Variants in AFDN observed in about 807,000 individuals in gnomAD.
The protein encoded by AFDN is afadin.
AFDN carries 68 observed loss-of-function variants against 216.6 expected under a neutral mutation model. That is an observed-to-expected ratio of 0.31 (90% CI 0.26 to 0.38). AFDN has a LOEUF of 0.38. AFDN is among the 10% of genes least tolerant of loss of function. AFDN has a pLI of 1.00. For missense variants in AFDN, 2,136 were observed against 2,342.0 expected (o/e 0.91, Z 1.82); for synonymous variants, 868 against 853.7 (o/e 1.02, Z -0.29).
intron 1 of AFDN, among the ~76,000 whole-genome samples, chr6:167,843,957 C>T (rs1035669612): frequency 3.9e-5 from 6 of 152,068 alleles, no homozygotes; most frequent in African/African-American, 1.4e-4. Context: ...ACCTGTTTTA[C>T]TCAAAGGGAA....
chr6:167,833,699 G>T (rs1780077329), intron 1 of AFDN, among the ~76,000 whole-genome samples: 1 of 151,982 alleles, frequency 6.6e-6, no homozygotes, highest in Admixed American at 6.6e-5. Flanking sequence ...GAGCTTTGAG[G>T]TTGCCAGTTT....
chr6:167,899,422 C>G (rs1788669633), intron 11 of AFDN, among the ~76,000 whole-genome samples: 1 of 152,184 alleles, frequency 6.6e-6, no homozygotes, highest in Non-Finnish European at 1.5e-5. Flanking sequence ...CTAACACTTT[C>G]ATCTTTAAAC....
chr6:167,963,024 C>G, intron 31 of AFDN: 1 of 1,079,822 alleles, frequency 9.3e-7, no homozygotes, highest in Non-Finnish European at 1.1e-6. Flanking sequence ...TCACTCACTT[C>G]TGGTTGATGG....
intron 6 of AFDN, among the ~76,000 whole-genome samples, chr6:167,887,314 T>C (rs1786969838): frequency 6.6e-6 from 1 of 152,184 alleles, no homozygotes; most frequent in Non-Finnish European, 1.5e-5. Context: ...TAATTTCCAT[T>C]GAGTGTTTCT....
chr6:167,965,057 C>G, intron 31 of AFDN: 1 of 1,038,120 alleles, frequency 9.6e-7, no homozygotes, highest in Non-Finnish European at 1.2e-6. Flanking sequence ...CTCTAATTTT[C>G]TGTCTGTTAG....
chr6:167,946,087 A>G (rs1795222907), intron 26 of AFDN, among the ~76,000 whole-genome samples: 3 of 152,220 alleles, frequency 2.0e-5, no homozygotes, highest in African/African-American at 7.2e-5. Flanking sequence ...CAGCTCAACA[A>G]AACCTCGTGT....
intron 1 of AFDN, among the ~76,000 whole-genome samples, chr6:167,844,499 A>G (rs147684482): frequency 9.2e-5 from 14 of 152,336 alleles, no homozygotes; most frequent in African/African-American, 3.1e-4. Flanking sequence ...TTTCTTAACT[A>G]TTAATGAACA....
intron 11 of AFDN, among the ~76,000 whole-genome samples, chr6:167,900,283 T>A (rs1370554713): frequency 3.3e-5 from 5 of 152,204 alleles, no homozygotes; most frequent in Non-Finnish European, 7.4e-5. Context: ...AATGCAGATT[T>A]CATAGTGTGT....
rs574938163 is a variant in AFDN at position 167,967,520 on chromosome 6, G to A, written c.5257+1475G>A. 3.3e-5 allele frequency among the ~76,000 whole-genome samples: 5 copies of A among 152,206 alleles called. No individual in the cohort carries two copies. In the South Asian group the frequency reaches 8.3e-4, roughly 25 times the overall value. On this transcript the variant is annotated intron_variant, in intron 32 of 33. Transcript: ENST00000683244. ...CGGAATAATAGTAAATTTTGAAGCA[G>A]GATGCCATCAGTCTCCTTGTATTGA...
At chr6:167,867,469 G>A (rs1407746053) in intron 2 of AFDN, among the ~76,000 whole-genome samples, 11 of 139,088 alleles carry the variant, frequency 7.9e-5, no homozygotes, top group Middle Eastern at 4.1e-3. Context: ...TCATTCTGTC[G>A]CCCAGGCTGG....
At chr6:167,906,140 T>C (rs940901086) in intron 12 of AFDN, among the ~76,000 whole-genome samples, 4 of 152,126 alleles carry the variant, frequency 2.6e-5, no homozygotes, top group African/African-American at 9.7e-5. Context: ...GAAGGATTCA[T>C]TGGGTGTGTA....
At chr6:167,950,040 C>T (rs758742543) in intron 29 of AFDN, among the ~76,000 whole-genome samples, 35 of 152,106 alleles carry the variant, frequency 2.3e-4, no homozygotes, top group African/African-American at 4.8e-4. Context: ...CAGGGAGCGG[C>T]GGTAGGCACA....
At chr6:167,933,676 A>G (rs905809464) in intron 23 of AFDN, among the ~76,000 whole-genome samples, 3 of 152,240 alleles carry the variant, frequency 2.0e-5, no homozygotes, top group African/African-American at 7.2e-5. Context: ...TGTGTATCAA[A>G]AGCAAAATAG....
At position 167,962,319 on chromosome 6, in the gene AFDN, A is replaced by T; in HGVS notation, c.4834-114A>T. On this transcript the variant is annotated intron_variant, in intron 30 of 33. Coordinates refer to ENST00000683244, the MANE Select transcript of AFDN (RefSeq NM_001386888.1). The surrounding 1 kb of genome is among the most constrained non-coding windows in gnomAD (Gnocchi z 5.2). ...ATTTTAACCTGGTATTTTATATTTA[A>T]CTTTCTGTGTGTGTGTGTTTGTGTA... 1 of 1,359,792 alleles carries T rather than the reference A, an allele frequency of 7.4e-7. No homozygotes were observed. Among genetic ancestry groups the T allele is most frequent in the African/African-American group, 1.4e-5 (1 of 69,190 alleles). The allele number at this position is 1,359,792 out of a possible 1,614,324, so 84.2% of individuals were successfully genotyped here.
Position 167,965,007 on chromosome 6 carries a change from T to C in AFDN, c.4969-750T>C, listed in dbSNP as rs148942951. On this transcript the variant is annotated intron_variant, in intron 31 of 33. Transcript: ENST00000683244. ...AAAATGTACAGTATGTGTCAAAATATATTTGAATATCTTGTTGCTGTTGCT... is the reference window on the plus strand; with the variant it reads ...AAAATGTACAGTATGTGTCAAAATACATTTGAATATCTTGTTGCTGTTGCT... The C allele has an allele frequency of 3.5e-4, 370 of 1,048,474 alleles. 1 individual carries two copies. In the African/African-American group the frequency reaches 5.5e-3, roughly 16 times the overall value. 64.9% of individuals were successfully genotyped at this position (1,048,474 alleles called of 1,614,324 possible).
At chr6:167,840,680 G>C (rs993191385) in intron 1 of AFDN, among the ~76,000 whole-genome samples, 7 of 152,246 alleles carry the variant, frequency 4.6e-5, no homozygotes, top group African/African-American at 1.7e-4. Flanking sequence ...CTATATGTGT[G>C]TCTGTGTGTA....
intron 12 of AFDN, among the ~76,000 whole-genome samples, chr6:167,905,501 G>A (rs947548240): frequency 1.3e-5 from 2 of 152,192 alleles, no homozygotes; most frequent in African/African-American, 4.8e-5. Context: ...GTTGACCTTT[G>A]ATAGTAATGT....
chr6:167,828,870 G>A (rs1779520202), intron 1 of AFDN, among the ~76,000 whole-genome samples: 1 of 143,702 alleles, frequency 7.0e-6, no homozygotes, highest in Non-Finnish European at 1.6e-5. Context: ...TTTGAATTGA[G>A]TTAGCATTAA....
intron 26 of AFDN, among the ~76,000 whole-genome samples, chr6:167,946,454 C>CT (rs1035877606): frequency 1.3e-5 from 2 of 151,788 alleles, no homozygotes; most frequent in African/African-American, 4.8e-5. Context: ...AGATTTGTTG[C>CT]TTAAAATAGT....
Sources: gnomAD v4.1 joint callset for allele counts (sites outside exome capture counted in the v4.1 genomes callset) on GRCh38, gnomAD v4.1.1 for gene constraint, Gnocchi (gnomAD v3.1) non-coding constraint, MANE v1.5 for transcripts, NCBI Gene and HGNC (gene_info 2026-07-23, HGNC 2026-07-21) for gene names.